The following PDE3B variants were observed in gnomAD, a reference collection of about 807,000 sequenced individuals.
PDE3B encodes the protein cGMP-inhibited 3',5'-cyclic phosphodiesterase 3B.
In PDE3B, 66 loss-of-function variants were observed where a neutral mutation model predicts 116.8. The ratio of observed to expected loss-of-function variants is 0.56; its 90% CI spans 0.46 to 0.69. The LOEUF (loss-of-function observed/expected upper bound fraction) is 0.69, where lower values mean the gene tolerates loss of function less well. Among genes scored for constraint, PDE3B ranks in the 30% least tolerant of loss-of-function variants. The pLI is 0.00. For missense variants in PDE3B, 1,384 were observed against 1,368.1 expected, an observed-to-expected ratio of 1.01 and a Z score of -0.18; for synonymous variants, 595 against 533.6, an observed-to-expected ratio of 1.12 and a Z score of -1.59.
chr11:14,771,921 G>T lies in PDE3B; in HGVS notation c.979-16G>T, dbSNP rs776974195. 1 of 1,260,744 alleles carries T rather than the reference G, an allele frequency of 7.9e-7. No homozygotes were observed. Among genetic ancestry groups the T allele is most frequent in the Non-Finnish European group, 1.1e-6 (1 of 936,938 alleles). The allele number at this position is 1,260,744 out of a possible 1,614,324, so 78.1% of individuals were successfully genotyped here. On this transcript the variant is annotated splice_polypyrimidine_tract_variant and intron_variant, in intron 1 of 15. Coordinates refer to ENST00000282096, the MANE Select transcript of PDE3B (RefSeq NM_000922.4). ...GTTTATTTTTGGTTTGTAACCAAGT[G>T]AATTTTTTTTTCTAGATGATTCTTT...
At chr11:14,844,849 G>A (rs1285596360) in intron 12 of PDE3B, among the ~76,000 whole-genome samples, 2 of 152,254 alleles carry the variant, frequency 1.3e-5, no homozygotes, top group African/African-American at 4.8e-5. Flanking sequence ...CGAACTGGGT[G>A]GAGCCAACCA....
intron 1 of PDE3B, among the ~76,000 whole-genome samples, chr11:14,715,915 A>G (rs1855868584): frequency 6.6e-6 from 1 of 152,176 alleles, no homozygotes; most frequent in Non-Finnish European, 1.5e-5. Context: ...TAGTGGGAGG[A>G]GCCAAGATGG....
At chr11:14,681,254 T>C (rs1228241259) in intron 1 of PDE3B, among the ~76,000 whole-genome samples, 1 of 152,180 alleles carries the variant, frequency 6.6e-6, no homozygotes, top group African/African-American at 2.4e-5. Context: ...ATACTGAATG[T>C]ATATTGCTTT....
intron 5 of PDE3B, among the ~76,000 whole-genome samples, chr11:14,808,306 C>T (rs1265401629): frequency 6.6e-6 from 1 of 152,070 alleles, no homozygotes. Flanking sequence ...ACATAATAAA[C>T]CTTTGGTGTT....
intron 1 of PDE3B, among the ~76,000 whole-genome samples, chr11:14,666,929 A>C (rs1288712424): frequency 6.6e-6 from 1 of 151,976 alleles, no homozygotes; most frequent in Admixed American, 6.6e-5. Context: ...CCATCCCATT[A>C]CTGGGTATAT....
intron 5 of PDE3B, among the ~76,000 whole-genome samples, chr11:14,804,276 G>A (rs1007343910): frequency 1.3e-5 from 2 of 152,086 alleles, no homozygotes; most frequent in Admixed American, 1.3e-4. Flanking sequence ...CTAAGCAGTA[G>A]GGATTCAGAG....
chr11:14,706,822 C>G (rs1443219012), intron 1 of PDE3B, among the ~76,000 whole-genome samples: 1 of 151,904 alleles, frequency 6.6e-6, no homozygotes, highest in East Asian at 1.9e-4. Context: ...TTCAAAATGG[C>G]TTTGAAGACA....
At chr11:14,868,168 C>T (rs1848081482) in intron 15 of PDE3B, among the ~76,000 whole-genome samples, 1 of 152,154 alleles carries the variant, frequency 6.6e-6, no homozygotes, top group Non-Finnish European at 1.5e-5. Context: ...TGTCATACAA[C>T]AAGCATTCTT....
At chr11:14,656,680 T>C (rs1265945951) in intron 1 of PDE3B, among the ~76,000 whole-genome samples, 1 of 152,188 alleles carries the variant, frequency 6.6e-6, no homozygotes, top group African/African-American at 2.4e-5. Context: ...AGATGTGATA[T>C]GAAATGTTGT....
At position 14,831,772 on chromosome 11, in the gene PDE3B, A is replaced by T. The variant is rs1590179568; in HGVS notation, c.2089A>T (p.Ser697Cys). 6.3e-7 allele frequency: 1 copy of T among 1,599,656 alleles called. No homozygotes were observed. Among genetic ancestry groups the T allele is most frequent in the East Asian group, 2.3e-5 (1 of 44,302 alleles). Residue 697 changes from serine (S) to cysteine (C), a missense_variant, in exon 9 of 16, where the codon AGT becomes TGT. Ser to Cys is a moderately radical substitution (Grantham distance 112). Coordinates refer to ENST00000282096, the MANE Select transcript of PDE3B (RefSeq NM_000922.4). ...GGGAGAGAAATCAGGAAGGATTCTC[A>T]GTCAGGTTTGCTTTCAAATATCTAC... ...KMGEKSGRILSQVMYTLFQDT... is the reference protein window; with the variant it reads ...KMGEKSGRILCQVMYTLFQDT...
chr11:14,854,541 C>T (rs1303461813), intron 12 of PDE3B, among the ~76,000 whole-genome samples: 2 of 147,094 alleles, frequency 1.4e-5, no homozygotes, highest in Non-Finnish European at 1.5e-5. Flanking sequence ...TTTTGTGAGA[C>T]AGGGTCTCAC....
At chr11:14,709,013 C>A (rs1279349497) in intron 1 of PDE3B, among the ~76,000 whole-genome samples, 5 of 152,016 alleles carry the variant, frequency 3.3e-5, no homozygotes, top group Non-Finnish European at 5.9e-5. Flanking sequence ...GTCAGAAATA[C>A]TATCAATTCT....
At chr11:14,860,928 C>T (rs1282650995) in intron 13 of PDE3B, among the ~76,000 whole-genome samples, 4 of 151,930 alleles carry the variant, frequency 2.6e-5, no homozygotes, top group South Asian at 4.1e-4. Context: ...TATACACACA[C>T]ACACACACAT....
At chr11:14,866,886 C>T (rs1848057296) in intron 14 of PDE3B, among the ~76,000 whole-genome samples, 1 of 152,146 alleles carries the variant, frequency 6.6e-6, no homozygotes, top group African/African-American at 2.4e-5. Flanking sequence ...GCTTGCCCAA[C>T]ACCACACAGG....
chr11:14,791,786 T>A (rs1347699384), intron 4 of PDE3B, among the ~76,000 whole-genome samples: 1 of 152,002 alleles, frequency 6.6e-6, no homozygotes, highest in Non-Finnish European at 1.5e-5. Context: ...CCCCTCCCCT[T>A]CCCATGGGTA....
intron 1 of PDE3B, among the ~76,000 whole-genome samples, chr11:14,669,193 G>A (rs569924981): frequency 1.3e-5 from 2 of 152,278 alleles, no homozygotes; most frequent in East Asian, 1.9e-4. Flanking sequence ...GAAAGAAGCC[G>A]TGGCTCTGGT....
chr11:14,712,466 G>GT (rs58004646), intron 1 of PDE3B, among the ~76,000 whole-genome samples: 16,583 of 76,130 alleles, frequency 0.22, 4,656 homozygotes, highest in Non-Finnish European at 0.28. Context: ...GTACAAGCTT[G>GT]TTTTTTTTTT....
At chr11:14,780,094 C>T (rs1199419348) in intron 2 of PDE3B, among the ~76,000 whole-genome samples, 2 of 151,950 alleles carry the variant, frequency 1.3e-5, no homozygotes, top group South Asian at 4.1e-4. Context: ...GTAAAGGGAT[C>T]AATTCAACAA....
chr11:14,783,257 G>A (rs1324079362), intron 2 of PDE3B, among the ~76,000 whole-genome samples: 3 of 152,168 alleles, frequency 2.0e-5, no homozygotes, highest in African/African-American at 7.2e-5. Flanking sequence ...TCCCATTACT[G>A]GGTATATACC....
Sources: allele counts gnomAD v4.1 joint callset (sites outside exome capture counted in the v4.1 genomes callset), GRCh38; gene constraint gnomAD v4.1.1; transcripts MANE v1.5; gene names NCBI Gene and HGNC (gene_info 2026-07-23, HGNC 2026-07-21).